MVP: variants seen among roughly 807,000 people sequenced by gnomAD.
The protein encoded by MVP is major vault protein, also known as lung resistance-related protein.
In MVP, 62 loss-of-function variants were observed where a neutral mutation model predicts 83.5. The observed-to-expected ratio is 0.74, with a 90% CI of 0.61 to 0.92. The LOEUF is 0.92. Among genes scored for constraint, MVP ranks in the 40% least tolerant of loss-of-function variants. The pLI is 0.00. For synonymous variants in MVP, 505 were observed against 504.1 expected (o/e 1.00, Z -0.02); for missense variants, 1,000 against 1,203.4 (o/e 0.83, Z 2.50).
rs3815823 is a variant in MVP, at chr16:29,847,228, G to A, written c.2297G>A (p.Arg766Gln). ...GAGCTCCAGAGGGTCCAGAAGGTCC[G>A]AGAGCTGGAACTGGTCTATGCCCGG... ...EAELQRVQKV[R>Q]ELELVYARAQ... The change falls in exon 14 of 15, where the codon CGA (arginine) becomes CAA (glutamine). Residue 766 changes from arginine (R) to glutamine (Q), a missense_variant. Physicochemically the swap from Arg to Gln is conservative, Grantham distance 43. Coordinates refer to ENST00000357402, the MANE Select transcript of MVP (RefSeq NM_005115.5). 1.2e-5 allele frequency: 19 copies of A among 1,613,516 alleles called. No homozygotes were observed. The highest frequency in any genetic ancestry group is 1.7e-5 in the Admixed American group (1 of 59,960).
At chr16:29,844,435 C>T (rs889263233) in intron 10 of MVP, 58 bp from the exon 11 acceptor site, 3 of 1,513,324 alleles carry the variant, frequency 2.0e-6, no homozygotes, top group African/African-American at 2.8e-5. Context: ...CTTGTCTCTT[C>T]TAAAGAGAGA....
chr16:29,847,750 C>G lies in MVP; in HGVS notation c.2455-12C>G. 6.2e-7 allele frequency: 1 copy of G among 1,612,864 alleles called. No homozygotes were observed. Among genetic ancestry groups the G allele is most frequent in the Non-Finnish European group, 8.5e-7 (1 of 1,179,074 alleles). ...ACGCCCATCTCAACTTCCTCCTGTTCTCACCCTCCAGGTAAAACTGCTCCA... is the reference window on the plus strand; with the variant it reads ...ACGCCCATCTCAACTTCCTCCTGTTGTCACCCTCCAGGTAAAACTGCTCCA... On this transcript the variant is annotated splice_polypyrimidine_tract_variant and intron_variant, in intron 14 of 14. Coordinates refer to ENST00000357402, the MANE Select transcript of MVP (RefSeq NM_005115.5).
intron 3 of MVP, among the ~76,000 whole-genome samples, chr16:29,832,086 A>G (rs2150753256): frequency 1.3e-5 from 2 of 151,482 alleles, no homozygotes; most frequent in Middle Eastern, 6.8e-3. Flanking sequence ...AGCCCCATTT[A>G]ATGGTTTTCT....
chr16:29,843,054 G>A (rs776752433), intron 10 of MVP, among the ~76,000 whole-genome samples: 4 of 152,226 alleles, frequency 2.6e-5, no homozygotes, highest in Non-Finnish European at 5.9e-5. Context: ...GCTTTCCTCA[G>A]TTTCCCCATC....
intron 7 of MVP, among the ~76,000 whole-genome samples, chr16:29,838,242 T>A (rs117635034): frequency 0.098 from 14,842 of 152,026 alleles, 955 homozygotes; most frequent in Middle Eastern, 0.16. Flanking sequence ...GAAACCATCC[T>A]GGCCAACATG....
intron 7 of MVP, among the ~76,000 whole-genome samples, chr16:29,837,363 C>T (rs1314363336): frequency 6.6e-6 from 1 of 152,238 alleles, no homozygotes; most frequent in Admixed American, 6.5e-5. Flanking sequence ...CCAACCTGTG[C>T]AGCATGTGAC....
rs2067599146 is a variant in MVP, at chr16:29,847,868, A to T, written c.2561A>T (p.Glu854Val). The change falls in exon 15 of 15, where the codon GAG becomes GTG. Residue 854 changes from glutamate to valine, a missense_variant. By Grantham distance (121) the Glu-to-Val change is moderately radical. Transcript: ENST00000357402. ...TAFGLLGMGPEGQPLGRRVAS... is the reference protein window; with the variant it reads ...TAFGLLGMGPVGQPLGRRVAS... ...TTTGGGCTGCTGGGGATGGGGCCCGAGGGTCAGCCCCTGGGCAGAAGGGTG... is the reference window on the plus strand; with the variant it reads ...TTTGGGCTGCTGGGGATGGGGCCCGTGGGTCAGCCCCTGGGCAGAAGGGTG... 6.2e-7 allele frequency: 1 copy of T among 1,614,110 alleles called. No individual in the cohort carries two copies. The highest frequency in any genetic ancestry group is 8.5e-7 in the Non-Finnish European group (1 of 1,179,988).
At chr16:29,825,869 G>GC (rs2067401676) in intron 1 of MVP, 2 of 152,268 alleles carry the variant, frequency 1.3e-5, no homozygotes, top group Admixed American at 1.3e-4. Flanking sequence ...TCCTGGGGGG[G>GC]CCTCAGAGCC....
Position 29,836,842 on chromosome 16 carries a change from G to A in MVP, c.793G>A (p.Glu265Lys). 1 of 1,613,918 alleles carries A rather than the reference G, an allele frequency of 6.2e-7. No individual in the cohort carries two copies. The highest frequency in any genetic ancestry group is 8.5e-7 in the Non-Finnish European group (1 of 1,179,970). ...AGAGGCCCACGTGCCAGATGTCCAC[G>A]AGGAGGTGCTGGGGGTTGTGCCCAT... Reference protein sequence around the residue: ...DTEAHVPDVHEEVLGVVPITT... With the variant: ...DTEAHVPDVHKEVLGVVPITT... The change falls in exon 7 of 15, where the codon GAG (glutamate) becomes AAG (lysine). Residue 265 changes from glutamate (E) to lysine (K), a missense_variant. By Grantham distance (56) the Glu-to-Lys change is moderately conservative. Coordinates refer to ENST00000357402, the MANE Select transcript of MVP (RefSeq NM_005115.5).
At position 29,847,258 on chromosome 16, in the gene MVP, A is replaced by G; in HGVS notation, c.2327A>G (p.Gln776Arg). 1 of 1,613,774 alleles carries G rather than the reference A, an allele frequency of 6.2e-7. No homozygotes were observed. The highest frequency in any genetic ancestry group is 2.2e-5 in the East Asian group (1 of 44,842). The change falls in exon 14 of 15, where the codon CAG (glutamine) becomes CGG (arginine). Residue 776 changes from glutamine to arginine, a missense_variant. By Grantham distance (43) the Gln-to-Arg change is conservative. Coordinates refer to ENST00000357402, the MANE Select transcript of MVP (RefSeq NM_005115.5). ...CTGGAACTGGTCTATGCCCGGGCCC[A>G]GCTGGAGCTGGAGGTGAGCAAGGCT... is the stretch of plus-strand genomic sequence containing the variant. ...RELELVYARA[Q>R]LELEVSKAQQ...
At chr16:29,824,502 C>T (rs996077907) in intron 1 of MVP, among the ~76,000 whole-genome samples, 5 of 152,238 alleles carry the variant, frequency 3.3e-5, no homozygotes, top group Admixed American at 6.5e-5. Flanking sequence ...TGGTGGTTCA[C>T]GCCTGTAATC....
chr16:29,837,625 A>G (rs11863734), intron 7 of MVP, among the ~76,000 whole-genome samples: 36,059 of 151,800 alleles, frequency 0.24, 6,172 homozygotes, highest in African/African-American at 0.5. Flanking sequence ...GTGGTGGCAC[A>G]CACCTGTAAT....
At position 29,841,258 on chromosome 16, in the gene MVP, T is replaced by C. The variant is rs909150307; in HGVS notation, c.1192-338T>C. On this transcript the variant is annotated intron_variant, in intron 8 of 14. Transcript: ENST00000357402. The surrounding 1 kb of genome is among the most constrained non-coding windows in gnomAD (Gnocchi z 4.7). Reference sequence around the variant, plus strand: ...CCGAGGTGCCCTCCAAACTGCCCCATGAAGGAAGATTCTAGAAATAACATT... The same window carrying C: ...CCGAGGTGCCCTCCAAACTGCCCCACGAAGGAAGATTCTAGAAATAACATT... Among the ~76,000 whole-genome samples, 1 of 152,046 alleles carries C rather than the reference T, an allele frequency of 6.6e-6. No homozygotes were observed. The highest frequency in any genetic ancestry group is 1.5e-5 in the Non-Finnish European group (1 of 68,000).
At chr16:29,838,516 A>G (rs192524505) in intron 7 of MVP, among the ~76,000 whole-genome samples, 75 of 152,290 alleles carry the variant, frequency 4.9e-4, no homozygotes, top group Admixed American at 2.1e-3. Flanking sequence ...ATACAATGGA[A>G]TATCATTCAG....
chr16:29,824,770 T>C (rs1055927947), intron 1 of MVP, among the ~76,000 whole-genome samples: 3 of 152,068 alleles, frequency 2.0e-5, no homozygotes, highest in African/African-American at 7.2e-5. Context: ...AAAAAAGAGA[T>C]TCAGTATATC....
Position 29,841,808 on chromosome 16 carries a change from G to A in MVP, c.1404G>A (p.Val468=). 1 of 1,611,870 alleles carries A rather than the reference G, an allele frequency of 6.2e-7. No individual in the cohort carries two copies. Among genetic ancestry groups the A allele is most frequent in the Non-Finnish European group, 8.5e-7 (1 of 1,180,008 alleles). Residue 468 remains valine (V), a synonymous_variant, in exon 9 of 15, where the codon GTG becomes GTA. Transcript: ENST00000357402. This position sits in a 1 kb window ranked among gnomAD's most constrained non-coding sequence, Gnocchi z 4.7. ...VSYRVPHNAA[V]QVYDYREKRA... ...ACCGCGTGCCCCACAACGCTGCGGT[G>A]CAGGTGTACGACTACCGAGAGAAGC...
chr16:29,826,527 T>C (rs2067405554), intron 1 of MVP, among the ~76,000 whole-genome samples: 1 of 150,494 alleles, frequency 6.6e-6, no homozygotes, highest in Non-Finnish European at 1.5e-5. Flanking sequence ...CTCGGGAGGC[T>C]GAGATGGGAG....
chr16:29,847,847 G>A lies in MVP; in HGVS notation c.2540G>A (p.Gly847Glu). 6.2e-7 allele frequency: 1 copy of A among 1,614,184 alleles called. No individual in the cohort carries two copies. The highest frequency in any genetic ancestry group is 8.5e-7 in the Non-Finnish European group (1 of 1,180,040). The change falls in exon 15 of 15, where the codon GGG becomes GAG. Residue 847 changes from glycine (G) to glutamate (E), a missense_variant. Physicochemically the swap from Gly to Glu is moderately conservative, Grantham distance 98 (BLOSUM62 -2). Transcript: ENST00000357402. ...ATCAACCTCTTCAACACAGCCTTTG[G>A]GCTGCTGGGGATGGGGCCCGAGGGT... is the stretch of plus-strand genomic sequence containing the variant. ...TPINLFNTAFGLLGMGPEGQP... is the reference protein window; with the variant it reads ...TPINLFNTAFELLGMGPEGQP...
chr16:29,845,897 G>A lies in MVP; in HGVS notation c.2056G>A (p.Gly686Ser), dbSNP rs769124320. 33 of 1,614,110 alleles carry A rather than the reference G, an allele frequency of 2.0e-5. No individual in the cohort carries two copies. Among genetic ancestry groups the A allele is most frequent in the South Asian group, 5.5e-5 (5 of 91,088 alleles). The change falls in exon 12 of 15, where the codon GGC (glycine) becomes AGC (serine). Residue 686 changes from glycine to serine, a missense_variant. Coordinates refer to ENST00000357402, the MANE Select transcript of MVP (RefSeq NM_005115.5). Reference protein sequence around the residue: ...EAQRLEQEARGRLERQKILDQ... With the variant: ...EAQRLEQEARSRLERQKILDQ... ...TCAGAGACTGGAGCAGGAAGCCCGC[G>A]GCCGGCTTGAGCGGCAGAAGATCCT...
Sources: allele counts gnomAD v4.1 joint callset (sites outside exome capture counted in the v4.1 genomes callset), GRCh38; gene constraint gnomAD v4.1.1; non-coding constraint Gnocchi (gnomAD v3.1); transcripts MANE v1.5; gene names NCBI Gene and HGNC (gene_info 2026-07-23, HGNC 2026-07-21).